Variants in CENPI observed in about 807,000 individuals in gnomAD.
CENPI encodes the protein centromere protein I, also known as FSH primary response 1.
In CENPI, 4 loss-of-function variants were observed where a neutral mutation model predicts 60.4. The ratio of observed to expected loss-of-function variants is 0.07; its 90% CI spans 0.03 to 0.15. The LOEUF is 0.15. Ranked by LOEUF, CENPI falls within the 10% of genes least tolerant of loss-of-function variation. The pLI, the probability that CENPI is intolerant of heterozygous loss-of-function variation, is 1.00. For missense variants in CENPI, 444 were observed against 534.5 expected (o/e 0.83, Z 1.67); for synonymous variants, 157 against 189.4 (o/e 0.83, Z 1.40).
At chrX:101,114,662 A>AG (rs2089597278) in intron 6 of CENPI, among the ~76,000 whole-genome samples, 1 of 112,179 alleles carries the variant, frequency 8.9e-6, no homozygotes, top group Non-Finnish European at 1.9e-5. Context: ...CCCCTGAGAC[A>AG]GAGTTTCACT....
At chrX:101,109,632 C>G in intron 5 of CENPI, 41 bp downstream of exon 5, 1 of 992,205 alleles carries the variant, frequency 1.0e-6, no homozygotes, top group Non-Finnish European at 1.4e-6. Context: ...CCTTCAGAAC[C>G]ACTTAAGGGC....
chrX:101,125,145 T>G (rs753536675), intron 8 of CENPI, among the ~76,000 whole-genome samples: 5 of 111,698 alleles, frequency 4.5e-5, no homozygotes, highest in African/African-American at 1.3e-4. Flanking sequence ...TTGTCCCTTT[T>G]GCATCCCCAC....
At chrX:101,124,980 G>C (rs935024313) in intron 8 of CENPI, among the ~76,000 whole-genome samples, 4 of 111,763 alleles carry the variant, frequency 3.6e-5, no homozygotes, top group Non-Finnish European at 7.5e-5. Flanking sequence ...CTAGAAAGGG[G>C]TGAGAAATGG....
chrX:101,173,011 A>ATTTTTTT, the CENPI span, among the ~76,000 whole-genome samples: 35 of 68,668 alleles, frequency 5.1e-4, no homozygotes, highest in Non-Finnish European at 7.7e-4. Context: ...AGTTGTAGGA[A>ATTTTTTT]TTTTTTTTTT....
intron 15 of CENPI, among the ~76,000 whole-genome samples, chrX:101,137,193 G>A (rs771935100): frequency 1.6e-3 from 182 of 112,202 alleles, no homozygotes; most frequent in African/African-American, 5.7e-3. Context: ...GATTACAGGC[G>A]CGAGCCACTA....
At chrX:101,159,856 GT>G (rs2090090972) in intron 20 of CENPI, among the ~76,000 whole-genome samples, 1 of 111,865 alleles carries the variant, frequency 8.9e-6, no homozygotes, top group African/African-American at 3.2e-5. Context: ...AGGTTATTTT[GT>G]TTTGTGAGGA....
At position 101,119,381 on chromosome X, in the gene CENPI, A is replaced by G. The variant is rs959672406; in HGVS notation, c.592-1021A>G. 2.3e-4 allele frequency among the ~76,000 whole-genome samples: 26 copies of G among 111,661 alleles called. 1 individual carries two copies. The highest frequency in any genetic ancestry group is 8.5e-4 in the African/African-American group (26 of 30,728). The stretch of plus-strand genomic sequence containing the variant: ...TCTTGTTGCTTTCTCTAGTACTATT[A>G]AATATTTTTTCACTTTCCTATTATT... On this transcript the variant is annotated intron_variant, in intron 6 of 21. Coordinates refer to ENST00000682095, the MANE Select transcript of CENPI (RefSeq NM_001386188.2).
chrX:101,177,494 C>T, the CENPI span, among the ~76,000 whole-genome samples: 1 of 111,701 alleles, frequency 9.0e-6, no homozygotes, highest in Non-Finnish European at 1.9e-5. Flanking sequence ...TGGACCTGTC[C>T]TCAGTTCCCC....
chrX:101,176,031 A>T, the CENPI span, among the ~76,000 whole-genome samples: 1 of 111,803 alleles, frequency 8.9e-6, no homozygotes, highest in Admixed American at 9.6e-5. Context: ...TATGAGTGAG[A>T]ATATGTGATA....
intron 20 of CENPI, among the ~76,000 whole-genome samples, chrX:101,157,825 T>C (rs1408485477): frequency 9.0e-6 from 1 of 110,552 alleles, no homozygotes; most frequent in African/African-American, 3.3e-5. Flanking sequence ...CCCAATCTCT[T>C]CTAGCCACTT....
chrX:101,131,052 C>G (rs1377737298), intron 13 of CENPI, among the ~76,000 whole-genome samples: 1 of 111,304 alleles, frequency 9.0e-6, no homozygotes, highest in East Asian at 2.8e-4. Flanking sequence ...TGTACTGGCA[C>G]AATCATGGCT....
chrX:101,122,701 C>G (rs2089692112), intron 8 of CENPI, among the ~76,000 whole-genome samples: 1 of 110,475 alleles, frequency 9.1e-6, no homozygotes, highest in African/African-American at 3.3e-5. Context: ...CATGGTGAAA[C>G]CCCGTCTCTA....
At chrX:101,142,949 T>C (rs771859526) in intron 16 of CENPI, among the ~76,000 whole-genome samples, 1 of 108,798 alleles carries the variant, frequency 9.2e-6, no homozygotes, top group Non-Finnish European at 1.9e-5. Context: ...GGTGCACGCC[T>C]GTAATCCCAG....
chrX:101,173,879 A>G, the CENPI span, among the ~76,000 whole-genome samples: 1 of 111,727 alleles, frequency 9.0e-6, no homozygotes, highest in Non-Finnish European at 1.9e-5. Context: ...TCTAATATCC[A>G]GAATCTAAAA....
intron 6 of CENPI, 38 bp downstream of exon 6, chrX:101,110,036 T>C: frequency 1.2e-6 from 1 of 828,240 alleles, no homozygotes; most frequent in Non-Finnish European, 1.8e-6. Flanking sequence ...ATCAATCAAA[T>C]AGTACATGTG....
intron 7 of CENPI, 52 bp from the exon 8 acceptor site, chrX:101,120,686 C>G: frequency 9.1e-7 from 1 of 1,095,469 alleles, no homozygotes. Context: ...TAACCAATTT[C>G]TTTTTATTCT....
At chrX:101,166,741 G>T (rs1026088461), downstream of CENPI, among the ~76,000 whole-genome samples, 2 of 112,358 alleles carry the variant, frequency 1.8e-5, no homozygotes, top group African/African-American at 6.5e-5. Flanking sequence ...TACTAAAGTT[G>T]CTATTAGAGT....
Position 101,164,970 on chromosome X carries a change from A to T in CENPI, c.*2003A>T, listed in dbSNP as rs750826208. 7.1e-5 allele frequency among the ~76,000 whole-genome samples: 8 copies of T among 112,059 alleles called. No individual in the cohort carries two copies. The highest frequency in any genetic ancestry group is 1.5e-4 in the Non-Finnish European group (8 of 53,280). ...GCAGAGGCCCCAGTGAAGTAAGCAT[A>T]TGAGTCATATAAATATTTGGGGAAA... On this transcript the variant is annotated 3_prime_UTR_variant, in exon 22 of 22. Coordinates refer to ENST00000682095, the MANE Select transcript of CENPI (RefSeq NM_001386188.2).
At chrX:101,113,163 C>G (rs1180007834) in intron 6 of CENPI, among the ~76,000 whole-genome samples, 1 of 108,141 alleles carries the variant, frequency 9.2e-6, no homozygotes, top group East Asian at 2.9e-4. Context: ...TTTTCTTTTT[C>G]TTTTTTTTCT....
Sources: gnomAD v4.1 joint callset for allele counts (sites outside exome capture counted in the v4.1 genomes callset) on GRCh38, gnomAD v4.1.1 for gene constraint, MANE v1.5 for transcripts, NCBI Gene and HGNC (gene_info 2026-07-23, HGNC 2026-07-21) for gene names.